Variants in PXDNL observed in about 807,000 individuals in gnomAD.
PXDNL encodes the protein probable oxidoreductase PXDNL.
PXDNL carries 145 observed loss-of-function variants against 150.8 expected under a neutral mutation model. That is an observed-to-expected ratio of 0.96 (90% CI 0.84 to 1.10). The LOEUF (loss-of-function observed/expected upper bound fraction) is 1.10, where lower values mean the gene tolerates loss of function less well. Ranked by LOEUF, PXDNL falls within the 50% of genes least tolerant of loss-of-function variation. The probability of loss-of-function intolerance (pLI) is 0.00; values close to 1 mark genes in which losing one functional copy is unlikely to be tolerated. For synonymous variants in PXDNL, 757 were observed against 725.7 expected, an observed-to-expected ratio of 1.04 and a Z score of -0.69; for missense variants, 2,087 against 1,873.9, an observed-to-expected ratio of 1.11 and a Z score of -2.10.
chr8:51,368,867 G>A lies in PXDNL; in HGVS notation c.3901+3006C>T, dbSNP rs1807003450. On this transcript the variant is annotated intron_variant, in intron 19 of 22. Transcript: ENST00000356297. ...AAAAATTAGCCGGGCGCAGTGGTGC[G>A]GGCCTGTAGTCACAGCTACTCAGGA... 2.0e-5 allele frequency among the ~76,000 whole-genome samples: 3 copies of A among 152,016 alleles called. No homozygotes were observed. The South Asian group carries it at 6.2e-4, about 32-fold the overall frequency.
At position 51,409,371 on chromosome 8, in the gene PXDNL, G is replaced by A. The variant is rs1260316392; in HGVS notation, c.2253C>T (p.Arg751=). Residue 751 remains arginine (R), a synonymous_variant, in exon 17 of 23, where the codon CGC becomes CGT. Transcript: ENST00000356297. ...TWGAALTAFA[R]LLQPAYRDGI... ...CGTCCCGGTAGGCTGGCTGCAGCAG[G>A]CGCGCGAAGGCGGTCAGCGCCGCGC... 6.4e-7 allele frequency: 1 copy of A among 1,571,132 alleles called. No homozygotes were observed. Among genetic ancestry groups the A allele is most frequent in the African/African-American group, 1.4e-5 (1 of 71,978 alleles).
At chr8:51,651,289 G>A (rs931176095) in intron 2 of PXDNL, among the ~76,000 whole-genome samples, 7 of 152,170 alleles carry the variant, frequency 4.6e-5, no homozygotes, top group African/African-American at 1.7e-4. Context: ...GATGAGTGTG[G>A]GGAGACAGAG....
chr8:51,586,052 T>C (rs1021715412), intron 3 of PXDNL, among the ~76,000 whole-genome samples: 5 of 152,156 alleles, frequency 3.3e-5, no homozygotes, highest in African/African-American at 9.7e-5. Context: ...CCCTGATTCA[T>C]ACCCCTTTGC....
intron 4 of PXDNL, among the ~76,000 whole-genome samples, chr8:51,504,341 C>T (rs773704595): frequency 6.6e-6 from 1 of 152,138 alleles, no homozygotes; most frequent in Non-Finnish European, 1.5e-5. Context: ...TGTAAATGCC[C>T]TTCCAGTATC....
At chr8:51,723,055 T>A (rs148367767) in intron 1 of PXDNL, among the ~76,000 whole-genome samples, 1 of 152,072 alleles carries the variant, frequency 6.6e-6, no homozygotes, top group East Asian at 1.9e-4. Flanking sequence ...AGAATTCATT[T>A]CTATAGCATA....
chr8:51,437,009 C>A (rs764312160), intron 12 of PXDNL, among the ~76,000 whole-genome samples: 36 of 152,098 alleles, frequency 2.4e-4, no homozygotes, highest in Non-Finnish European at 4.6e-4. Flanking sequence ...AGAAATGAAA[C>A]AGGAGATATT....
At chr8:51,371,769 T>C in intron 19 of PXDNL, 104 bp downstream of exon 19, 2 of 1,063,782 alleles carry the variant, frequency 1.9e-6, no homozygotes, top group East Asian at 5.2e-5. Flanking sequence ...TTGTTGGCTT[T>C]TTGCGTATCT....
At chr8:51,626,504 C>T (rs1447656869) in intron 2 of PXDNL, among the ~76,000 whole-genome samples, 1 of 152,154 alleles carries the variant, frequency 6.6e-6, no homozygotes, top group African/African-American at 2.4e-5. Context: ...CACTAAACTA[C>T]TCCCTCTGCT....
chr8:51,394,578 A>G (rs1054634103), intron 17 of PXDNL, among the ~76,000 whole-genome samples: 1 of 152,224 alleles, frequency 6.6e-6, no homozygotes, highest in Non-Finnish European at 1.5e-5. Context: ...CAAGCCATAC[A>G]ATCTTTGTTC....
intron 1 of PXDNL, among the ~76,000 whole-genome samples, chr8:51,708,523 T>A (rs1816429385): frequency 6.6e-6 from 1 of 152,136 alleles, no homozygotes; most frequent in African/African-American, 2.4e-5. Flanking sequence ...AAGAATAGAA[T>A]TGCCATTGCA....
chr8:51,573,950 CAAAG>C (rs1028150564), intron 3 of PXDNL, among the ~76,000 whole-genome samples: 2 of 151,756 alleles, frequency 1.3e-5, no homozygotes, highest in Non-Finnish European at 2.9e-5. Context: ...TATGTAAAGA[CAAAG>C]AGAGAAGACA....
intron 1 of PXDNL, among the ~76,000 whole-genome samples, chr8:51,714,335 C>T (rs531711935): frequency 7.2e-5 from 11 of 152,258 alleles, no homozygotes; most frequent in Admixed American, 2.0e-4. Flanking sequence ...AATATTGCTG[C>T]GCTATTATCC....
At chr8:51,488,691 A>G (rs1810823582) in intron 5 of PXDNL, among the ~76,000 whole-genome samples, 1 of 152,246 alleles carries the variant, frequency 6.6e-6, no homozygotes, top group Non-Finnish European at 1.5e-5. Flanking sequence ...TTGTAAGAAA[A>G]TAAACTTATC....
At chr8:51,390,059 C>A (rs186644519) in intron 17 of PXDNL, among the ~76,000 whole-genome samples, 6 of 151,994 alleles carry the variant, frequency 3.9e-5, no homozygotes, top group African/African-American at 1.4e-4. Context: ...AGCCATGCCC[C>A]CCCCACCAAA....
chr8:51,381,514 C>G (rs910660823), intron 17 of PXDNL, among the ~76,000 whole-genome samples: 1 of 152,084 alleles, frequency 6.6e-6, no homozygotes, highest in Admixed American at 6.6e-5. Flanking sequence ...AGTACTGCCC[C>G]CCAGTATCTG....
At chr8:51,781,438 CA>C (rs2037414074) in intron 1 of PXDNL, among the ~76,000 whole-genome samples, 1 of 152,176 alleles carries the variant, frequency 6.6e-6, no homozygotes, top group South Asian at 2.1e-4. Flanking sequence ...GCGAAGTCAC[CA>C]TCAGCTGGGA....
At chr8:51,448,031 A>G (rs2129933820) in intron 11 of PXDNL, among the ~76,000 whole-genome samples, 1 of 152,354 alleles carries the variant, frequency 6.6e-6, no homozygotes, top group African/African-American at 2.4e-5. Flanking sequence ...ATGGTTCCAA[A>G]GTCTACCTCC....
chr8:51,740,741 TG>T (rs1363625594), intron 1 of PXDNL, among the ~76,000 whole-genome samples: 2 of 152,198 alleles, frequency 1.3e-5, no homozygotes, highest in African/African-American at 4.8e-5. Context: ...CTTTGTCAGA[TG>T]GATATGTGAT....
chr8:51,474,987 C>T lies in PXDNL; in HGVS notation c.679G>A (p.Glu227Lys). The T allele has an allele frequency of 6.3e-7, 1 of 1,599,566 alleles. No individual in the cohort carries two copies. Residue 227 changes from glutamate to lysine, a missense_variant, in exon 7 of 23, where the codon GAG becomes AAG. Physicochemically the swap from Glu to Lys is moderately conservative, Grantham distance 56. Coordinates refer to ENST00000356297, the MANE Select transcript of PXDNL (RefSeq NM_144651.5). ...HGRAVASVTV[E>K]EFNCQSPRIT... The stretch of plus-strand genomic sequence containing the variant: ...ATTTACGTACGGCAATTGAATTCCT[C>T]TACTGTTACTGAAGCAACTGCACGC...
Sources: gnomAD v4.1 joint callset for allele counts (sites outside exome capture counted in the v4.1 genomes callset) on GRCh38, gnomAD v4.1.1 for gene constraint, MANE v1.5 for transcripts, NCBI Gene and HGNC (gene_info 2026-07-23, HGNC 2026-07-21) for gene names.